The following VPS13B variants were observed in gnomAD, a reference collection of about 807,000 sequenced individuals.
VPS13B encodes vacuolar protein sorting 13 homolog B, also known as intermembrane lipid transfer protein VPS13B.
A neutral mutation model predicts 426.4 loss-of-function variants in VPS13B; 285 were observed. The observed-to-expected ratio is 0.67, with a 90% CI of 0.61 to 0.74. The LOEUF (loss-of-function observed/expected upper bound fraction) is 0.74. Among genes scored for constraint, VPS13B ranks in the 30% least tolerant of loss-of-function variants. The pLI is 0.00. For synonymous variants in VPS13B, 1,676 were observed against 1,676.4 expected (o/e 1.00, Z 0.01); for missense variants, 4,537 against 4,782.6 (o/e 0.95, Z 1.51).
At chr8:99,061,831 A>G (rs1844207265) in intron 3 of VPS13B, among the ~76,000 whole-genome samples, 1 of 152,162 alleles carries the variant, frequency 6.6e-6, no homozygotes, top group Non-Finnish European at 1.5e-5. Flanking sequence ...TTACTTCTGT[A>G]TGTTACACAC....
rs533539676 is a variant in VPS13B at position 99,548,298 on chromosome 8, A to AT, written c.4746-8147dup. Among the ~76,000 whole-genome samples, 950 of 152,098 alleles carry AT rather than the reference A, an allele frequency of 6.2e-3. 8 individuals carry two copies. Among genetic ancestry groups the AT allele is most frequent in the African/African-American group, 0.021 (893 of 41,544 alleles). ...AATGTTTTTCACTCCTACAAGTCTT[A>AT]TTTTTAAGTTATAAAGTTCTTTTCT... On this transcript the variant is annotated intron_variant, in intron 30 of 61. Coordinates refer to ENST00000357162, the MANE Select transcript of VPS13B (RefSeq NM_152564.5).
Position 99,636,784 on chromosome 8 carries a change from G to A in VPS13B, c.5221-5027G>A, listed in dbSNP as rs182888390. On this transcript the variant is annotated intron_variant, in intron 33 of 61. Coordinates refer to ENST00000357162, the MANE Select transcript of VPS13B (RefSeq NM_152564.5). ...CTGAAACATTATCTTCTTCGATACA[G>A]TAATATGCATTTAATTCTCTGAAAG... 1.7e-3 allele frequency among the ~76,000 whole-genome samples: 258 copies of A among 152,140 alleles called. 2 individuals are homozygous for A. Among genetic ancestry groups the A allele is most frequent in the South Asian group, 5.8e-3 (28 of 4,820 alleles).
chr8:99,393,215 C>G, intron 21 of VPS13B, among the ~76,000 whole-genome samples: 1 of 151,966 alleles, frequency 6.6e-6, no homozygotes, highest in East Asian at 1.9e-4. Flanking sequence ...AATATGCAAT[C>G]ACAGATTTTG....
At chr8:99,865,827 C>G (rs1190847710) in intron 58 of VPS13B, among the ~76,000 whole-genome samples, 1 of 152,136 alleles carries the variant, frequency 6.6e-6, no homozygotes, top group Non-Finnish European at 1.5e-5. Flanking sequence ...AAAATTACAC[C>G]ACATGGTAAA....
chr8:99,574,031 T>G (rs544518624), intron 31 of VPS13B, among the ~76,000 whole-genome samples: 3 of 152,210 alleles, frequency 2.0e-5, no homozygotes, highest in Non-Finnish European at 2.9e-5. Context: ...TTGTAAGTTG[T>G]ATTCCTAGGT....
At chr8:99,653,887 G>A (rs1381806158) in intron 34 of VPS13B, among the ~76,000 whole-genome samples, 1 of 151,898 alleles carries the variant, frequency 6.6e-6, no homozygotes, top group Non-Finnish European at 1.5e-5. Flanking sequence ...GTACAGAATC[G>A]CAGAGCATGT....
intron 15 of VPS13B, among the ~76,000 whole-genome samples, chr8:99,164,751 T>A (rs1811894818): frequency 6.6e-6 from 1 of 152,188 alleles, no homozygotes; most frequent in Admixed American, 6.5e-5. Flanking sequence ...TCTCTTTAAC[T>A]TTCTGTGTCT....
At position 99,170,034 on chromosome 8, in the gene VPS13B, T is replaced by C. The variant is rs1372915699; in HGVS notation, c.2209-5T>C. The C allele has an allele frequency of 6.2e-7, 1 of 1,612,454 alleles. No homozygotes were observed. The highest frequency in any genetic ancestry group is 1.7e-5 in the Admixed American group (1 of 59,996). On this transcript the variant is annotated splice_polypyrimidine_tract_variant and splice_region_variant and intron_variant, in intron 15 of 61. Coordinates refer to ENST00000357162, the MANE Select transcript of VPS13B (RefSeq NM_152564.5). ...GAACACTTGCATCTTTTCTTTTTGT[T>C]TTAGATATTTGGTTTCCAGGCAGGA...
At chr8:99,799,467 T>C (rs186330842) in intron 43 of VPS13B, among the ~76,000 whole-genome samples, 42 of 152,338 alleles carry the variant, frequency 2.8e-4, no homozygotes, top group Admixed American at 2.7e-3. Context: ...TTTCTTGTTA[T>C]ACAGGCACTA....
In VPS13B at chr8:99,868,227, G is replaced by C. The variant is rs1817201502; in HGVS notation, c.11216-62G>C. 4 of 1,605,564 alleles carry C rather than the reference G, an allele frequency of 2.5e-6. No homozygotes were observed. In the South Asian group the frequency reaches 3.3e-5, roughly 13 times the overall value. The stretch of plus-strand genomic sequence containing the variant: ...TCCAGATAAAACTGTGTTCCAGATG[G>C]AGCCTTTCATTTTCCGAGGATTTTA... On this transcript the variant is annotated intron_variant, in intron 58 of 61. Transcript: ENST00000357162.
chr8:99,442,837 T>C (rs922907306), intron 23 of VPS13B, among the ~76,000 whole-genome samples: 10 of 152,140 alleles, frequency 6.6e-5, no homozygotes, highest in African/African-American at 2.4e-4. Context: ...ATATGTTATC[T>C]GTAAAAGATC....
chr8:99,536,721 G>A (rs762854608), intron 30 of VPS13B: 1 of 534,222 alleles, frequency 1.9e-6, no homozygotes. Context: ...ACTGTGGACA[G>A]CATGTCTTTG....
intron 30 of VPS13B, among the ~76,000 whole-genome samples, chr8:99,546,390 A>G (rs547837444): frequency 6.8e-4 from 103 of 152,154 alleles, no homozygotes; most frequent in African/African-American, 2.3e-3. Context: ...TAAATAAAGC[A>G]TAGTTTTACA....
intron 19 of VPS13B, among the ~76,000 whole-genome samples, chr8:99,310,309 G>C (rs200146634): frequency 6.6e-6 from 1 of 152,124 alleles, no homozygotes; most frequent in Non-Finnish European, 1.5e-5. Context: ...GTATGATATT[G>C]GCTGTGCATT....
chr8:99,461,157 A>G (rs1378016022), intron 23 of VPS13B, among the ~76,000 whole-genome samples: 1 of 143,864 alleles, frequency 7.0e-6, no homozygotes, highest in African/African-American at 2.5e-5. Context: ...ATGTATTACT[A>G]GTTTTTTTTT....
rs181995197 is a variant in VPS13B at position 99,078,142 on chromosome 8, T to G, written c.292-18170T>G. Among the ~76,000 whole-genome samples the G allele has an allele frequency of 2.9e-3, 436 of 152,136 alleles. 6 individuals are homozygous for G. The highest frequency in any genetic ancestry group is 6.5e-4 in the Non-Finnish European group (44 of 68,024). ...TGTTTCTCACTGAGGCTCTTCGTTATCATTTCAAATTCTTTTTCCTTTTTC... is the reference window on the plus strand; with the variant it reads ...TGTTTCTCACTGAGGCTCTTCGTTAGCATTTCAAATTCTTTTTCCTTTTTC... On this transcript the variant is annotated intron_variant, in intron 3 of 61. Transcript: ENST00000357162.
intron 15 of VPS13B, among the ~76,000 whole-genome samples, chr8:99,162,677 C>T (rs902068208): frequency 2.0e-5 from 3 of 152,094 alleles, no homozygotes; most frequent in African/African-American, 2.4e-5. Context: ...CTCATGGTCT[C>T]GCTGGGCTCA....
At position 99,870,856 on chromosome 8, in the gene VPS13B, C is replaced by G. The variant is rs1817368883; in HGVS notation, c.11464C>G (p.Gln3822Glu). 15 of 1,614,088 alleles carry G rather than the reference C, an allele frequency of 9.3e-6. No individual in the cohort carries two copies. The highest frequency in any genetic ancestry group is 1.2e-5 in the Non-Finnish European group (14 of 1,180,040). The change falls in exon 60 of 62, where the codon CAG (glutamine) becomes GAG (glutamate). Residue 3822 changes from glutamine (Q) to glutamate (E), a missense_variant. Around this residue, in one of 2 missense-constraint regions of VPS13B, gnomAD observed 4,311 missense variants for 4,474.3 expected, o/e 0.96. Coordinates refer to ENST00000357162, the MANE Select transcript of VPS13B (RefSeq NM_152564.5). ...RHQPSDLHAD[Q>E]APNSHVKYVW... ...TCAGCCAAGTGATCTACATGCTGAC[C>G]AGGCTCCAAACAGCCATGTCAAATA...
chr8:99,353,616 A>C (rs982204518), intron 19 of VPS13B, among the ~76,000 whole-genome samples: 17 of 152,004 alleles, frequency 1.1e-4, no homozygotes, highest in African/African-American at 2.2e-4. Context: ...AAAAAAAAAA[A>C]AACAACAGAA....
Sources: allele counts gnomAD v4.1 joint callset (sites outside exome capture counted in the v4.1 genomes callset), GRCh38; gene constraint gnomAD v4.1.1; regional missense constraint gnomAD v4.1.1; transcripts MANE v1.5; gene names NCBI Gene and HGNC (gene_info 2026-07-23, HGNC 2026-07-21).